ANKRD27: variants seen among roughly 807,000 people sequenced by gnomAD.
ANKRD27 encodes the protein ankyrin repeat domain-containing protein 27.
A neutral mutation model predicts 129.7 loss-of-function variants in ANKRD27; 112 were observed. That is an observed-to-expected ratio of 0.86 (90% confidence interval 0.74 to 1.01). The LOEUF (loss-of-function observed/expected upper bound fraction) is 1.01, where lower values mean the gene tolerates loss of function less well. Among genes scored for constraint, ANKRD27 ranks in the 50% least tolerant of loss-of-function variants. The pLI is 0.00. For synonymous variants in ANKRD27, 516 were observed against 511.2 expected, an observed-to-expected ratio of 1.01 and a Z score of -0.13; for missense variants, 1,258 against 1,300.5, an observed-to-expected ratio of 0.97 and a Z score of 0.50.
At chr19:32,646,930 A>G (rs1297552944) in intron 3 of ANKRD27, among the ~76,000 whole-genome samples, 1 of 152,112 alleles carries the variant, frequency 6.6e-6, no homozygotes, top group Non-Finnish European at 1.5e-5. Context: ...GGGTCAAGCA[A>G]TTCTCCTGAC....
At chr19:32,608,598 T>C (rs7246338) in intron 22 of ANKRD27, 111,998 of 195,758 alleles carry the variant, frequency 0.57, 33,519 homozygotes, top group Non-Finnish European at 0.66. Context: ...AAAACACACA[T>C]GTGCACATAC....
At chr19:32,605,541 T>G (rs1971718804) in intron 24 of ANKRD27, among the ~76,000 whole-genome samples, 1 of 152,174 alleles carries the variant, frequency 6.6e-6, no homozygotes, top group Admixed American at 6.5e-5. Context: ...AGGCGGCCAC[T>G]CAGCCCATGC....
At chr19:32,660,152 T>A (rs1248218506) in intron 1 of ANKRD27, among the ~76,000 whole-genome samples, 1 of 152,174 alleles carries the variant, frequency 6.6e-6, no homozygotes, top group Non-Finnish European at 1.5e-5. Flanking sequence ...AATGTTTATG[T>A]CCCCCAAAAA....
chr19:32,658,447 T>G (rs914287782), intron 2 of ANKRD27, among the ~76,000 whole-genome samples: 1 of 152,218 alleles, frequency 6.6e-6, no homozygotes, highest in African/African-American at 2.4e-5. Flanking sequence ...TCTTTCATCA[T>G]GGTGCTTTCC....
intron 1 of ANKRD27, among the ~76,000 whole-genome samples, chr19:32,667,165 C>T (rs1266559923): frequency 6.6e-6 from 1 of 152,206 alleles, no homozygotes; most frequent in Admixed American, 6.5e-5. Context: ...ACCCGACTTC[C>T]CAGGGGGCGC....
At chr19:32,614,796 T>A (rs1971888656) in intron 22 of ANKRD27, among the ~76,000 whole-genome samples, 2 of 152,234 alleles carry the variant, frequency 1.3e-5, no homozygotes, top group South Asian at 4.1e-4. Flanking sequence ...GTGGCACAAC[T>A]GTACAGAACT....
chr19:32,633,116 G>T (rs910067842), intron 12 of ANKRD27, among the ~76,000 whole-genome samples: 2 of 152,106 alleles, frequency 1.3e-5, no homozygotes, highest in African/African-American at 2.4e-5. Flanking sequence ...CGCAACTCTG[G>T]TTAACGATTT....
chr19:32,664,839 G>T (rs972048268), intron 1 of ANKRD27, among the ~76,000 whole-genome samples: 1 of 145,040 alleles, frequency 6.9e-6, no homozygotes, highest in African/African-American at 2.5e-5. Flanking sequence ...AGAATCGCTT[G>T]AGCCCAGGAG....
intron 22 of ANKRD27, among the ~76,000 whole-genome samples, chr19:32,613,790 G>A (rs537389174): frequency 6.8e-6 from 1 of 148,036 alleles, no homozygotes; most frequent in Non-Finnish European, 1.5e-5. Context: ...CTCACTGCAA[G>A]CCCTGCCTCC....
At chr19:32,613,726 T>G (rs906252635) in intron 22 of ANKRD27, among the ~76,000 whole-genome samples, 4 of 149,812 alleles carry the variant, frequency 2.7e-5, no homozygotes, top group Admixed American at 6.6e-5. Context: ...TTTTTTTTTT[T>G]GAGACGGAGT....
At chr19:32,618,451 G>GAAAAAAAAAAA (rs55674756) in intron 20 of ANKRD27, among the ~76,000 whole-genome samples, 2 of 100,320 alleles carry the variant, frequency 2.0e-5, no homozygotes, top group African/African-American at 7.8e-5. Context: ...GTCCCAAAAA[G>GAAAAAAAAAAA]AAAAAAAAAA....
At chr19:32,651,667 G>A (rs184653601) in intron 2 of ANKRD27, among the ~76,000 whole-genome samples, 13 of 152,134 alleles carry the variant, frequency 8.5e-5, no homozygotes, top group Admixed American at 8.5e-4. Flanking sequence ...ACCACGCCTG[G>A]CCTCGAAGCA....
intron 1 of ANKRD27, among the ~76,000 whole-genome samples, chr19:32,670,448 CGG>C (rs1967847240): frequency 6.6e-6 from 1 of 152,040 alleles, no homozygotes; most frequent in South Asian, 2.1e-4. Flanking sequence ...CCGAGGCGGG[CGG>C]ATCACCTGAG....
Position 32,628,743 on chromosome 19 carries a change from T to C in ANKRD27, c.1316A>G (p.Asp439Gly). The C allele has an allele frequency of 1.2e-6, 2 of 1,614,060 alleles. No individual in the cohort carries two copies. Among genetic ancestry groups the C allele is most frequent in the Non-Finnish European group, 1.7e-6 (2 of 1,179,966 alleles). The change falls in exon 14 of 29, where the codon GAC (aspartate) becomes GGC (glycine). Residue 439 changes from aspartate (D) to glycine (G), a missense_variant. Physicochemically the swap from Asp to Gly is moderately conservative, Grantham distance 94. Transcript: ENST00000306065. ...TTACCCAGAGACGAGTTTCTCACAGTCATCGCAGAAGCAGAGAGGGTGACA... is the reference window on the plus strand; with the variant it reads ...TTACCCAGAGACGAGTTTCTCACAGCCATCGCAGAAGCAGAGAGGGTGACA... The part of the protein sequence containing the change: ...KMCHPLCFCD[D>G]CEKLVSGRLN...
intron 14 of ANKRD27, 120 bp downstream of exon 14, chr19:32,628,602 G>A (rs541475918): frequency 2.3e-4 from 299 of 1,291,096 alleles, no homozygotes; most frequent in Non-Finnish European, 3.1e-4. Flanking sequence ...GTACAGCAGA[G>A]GCAGCTGGGG....
At chr19:32,660,565 G>A (rs561855741) in intron 1 of ANKRD27, among the ~76,000 whole-genome samples, 5 of 152,136 alleles carry the variant, frequency 3.3e-5, no homozygotes, top group African/African-American at 4.8e-5. Flanking sequence ...TTGCTCCTCC[G>A]GCCACGTGAG....
intron 1 of ANKRD27, among the ~76,000 whole-genome samples, chr19:32,673,939 G>C (rs963687967): frequency 6.7e-6 from 1 of 149,558 alleles, no homozygotes; most frequent in South Asian, 2.1e-4. Flanking sequence ...TTGAGTCCAG[G>C]AGTTCAAGAC....
chr19:32,626,608 AGGAGACAGGGG>A, intron 16 of ANKRD27, 93 bp downstream of exon 16: 4 of 823,576 alleles, frequency 4.9e-6, no homozygotes, highest in African/African-American at 1.7e-5. Flanking sequence ...GCACAGCACC[AGGAGACAGGGG>A]TGCAGGGTAG....
chr19:32,649,576 C>T (rs558824749), intron 3 of ANKRD27, 106 bp downstream of exon 3: 149 of 804,312 alleles, frequency 1.9e-4, no homozygotes, highest in Non-Finnish European at 3.0e-4. Context: ...TGTCAAATGC[C>T]ACCATTGCCA....
Sources: allele counts gnomAD v4.1 joint callset (sites outside exome capture counted in the v4.1 genomes callset), GRCh38; gene constraint gnomAD v4.1.1; transcripts MANE v1.5; gene names NCBI Gene and HGNC (gene_info 2026-07-23, HGNC 2026-07-21).